Variants in THSD7A observed in about 807,000 individuals in gnomAD.
THSD7A encodes the protein thrombospondin type 1 domain containing 7A, also known as thrombospondin type-1 domain-containing protein 7A.
In THSD7A, 96 loss-of-function variants were observed where a neutral mutation model predicts 231.3. The ratio of observed to expected loss-of-function variants is 0.41; its 90% CI spans 0.35 to 0.49. The LOEUF (loss-of-function observed/expected upper bound fraction) is 0.49, where lower values mean the gene tolerates loss of function less well. Ranked by LOEUF, THSD7A falls within the 20% of genes least tolerant of loss-of-function variation. THSD7A has a pLI of 0.05. For missense variants in THSD7A, 2,290 were observed against 2,070.2 expected (o/e 1.11, Z -2.06); for synonymous variants, 940 against 743.3 (o/e 1.26, Z -4.30).
At position 11,680,359 on chromosome 7, in the gene THSD7A, A is replaced by G. The variant is rs548179065; in HGVS notation, c.191-43398T>C. 1.9e-3 allele frequency among the ~76,000 whole-genome samples: 282 copies of G among 152,334 alleles called. 1 individual carries two copies. Among genetic ancestry groups the G allele is most frequent in the African/African-American group, 6.5e-3 (272 of 41,582 alleles). ...AGCCAAAATTGACAAATGGGATCTA[A>G]TTAAACTAAAGAGCTTCTGCACAGA... is the stretch of plus-strand genomic sequence containing the variant. On this transcript the variant is annotated intron_variant, in intron 1 of 27. Transcript: ENST00000423059.
intron 1 of THSD7A, among the ~76,000 whole-genome samples, chr7:11,734,047 C>G (rs1478641756): frequency 2.0e-5 from 3 of 151,838 alleles, no homozygotes; most frequent in African/African-American, 7.3e-5. Context: ...TAGGATCTCT[C>G]CCTTGGAGAC....
At chr7:11,651,479 T>TCAA (rs1351242861) in intron 1 of THSD7A, among the ~76,000 whole-genome samples, 34 of 134,750 alleles carry the variant, frequency 2.5e-4, no homozygotes, top group South Asian at 2.3e-4. Flanking sequence ...TATCTATCTA[T>TCAA]CTATCAACTA....
intron 1 of THSD7A, among the ~76,000 whole-genome samples, chr7:11,638,033 G>A (rs951899703): frequency 1.3e-5 from 2 of 152,160 alleles, no homozygotes; most frequent in Non-Finnish European, 2.9e-5. Context: ...GTGTGGGAAG[G>A]TGAGGGCCAA....
chr7:11,480,738 G>A (rs1455755489), intron 7 of THSD7A, among the ~76,000 whole-genome samples: 1 of 152,114 alleles, frequency 6.6e-6, no homozygotes, highest in Non-Finnish European at 1.5e-5. Context: ...GGTGTGCACA[G>A]TTGTTACACA....
chr7:11,812,409 G>A (rs1784557180), intron 1 of THSD7A, among the ~76,000 whole-genome samples: 1 of 152,082 alleles, frequency 6.6e-6, no homozygotes, highest in African/African-American at 2.4e-5. Flanking sequence ...ATTGCATCAT[G>A]AAACAATATG....
intron 23 of THSD7A, among the ~76,000 whole-genome samples, chr7:11,387,019 G>T (rs755778173): frequency 2.0e-5 from 3 of 152,188 alleles, no homozygotes; most frequent in Non-Finnish European, 4.4e-5. Context: ...TCAGATGGTT[G>T]TAGATGTGTG....
chr7:11,423,105 C>T (rs1300439893), intron 16 of THSD7A, among the ~76,000 whole-genome samples: 1 of 152,060 alleles, frequency 6.6e-6, no homozygotes, highest in Non-Finnish European at 1.5e-5. Flanking sequence ...CTACCTCTTC[C>T]CCATTCCCAG....
chr7:11,542,748 G>T (rs1789206482), intron 5 of THSD7A, among the ~76,000 whole-genome samples: 1 of 152,142 alleles, frequency 6.6e-6, no homozygotes, highest in Non-Finnish European at 1.5e-5. Context: ...TCTCCATCAT[G>T]TTGTCTAAAT....
rs1782411921 is a variant in THSD7A, at chr7:11,379,269, G to A, written c.4602C>T (p.Cys1534=). Residue 1534 remains cysteine (C), a synonymous_variant, in exon 26 of 28, where the codon TGC becomes TGT. Transcript: ENST00000423059. ...CTTCAGTGTACCCTTCTTCACAATG[G>A]CATGTTTTTGTCTGCAGGAGAACAA... ...PHSYCSETKT[C]HCEEGYTEVM... 5.0e-6 allele frequency: 8 copies of A among 1,613,364 alleles called. No homozygotes were observed. Among genetic ancestry groups the A allele is most frequent in the Non-Finnish European group, 6.8e-6 (8 of 1,179,556 alleles).
At chr7:11,802,265 A>G (rs1003453427) in intron 1 of THSD7A, among the ~76,000 whole-genome samples, 2 of 152,210 alleles carry the variant, frequency 1.3e-5, no homozygotes, top group Non-Finnish European at 2.9e-5. Flanking sequence ...TGTGAATTTC[A>G]TATACATGCA....
intron 2 of THSD7A, among the ~76,000 whole-genome samples, chr7:11,611,818 A>G (rs1043684840): frequency 5.5e-5 from 7 of 127,308 alleles, no homozygotes; most frequent in African/African-American, 1.9e-4. Flanking sequence ...ACACACACAC[A>G]CACACACACA....
intron 2 of THSD7A, among the ~76,000 whole-genome samples, chr7:11,617,909 C>T (rs1781163157): frequency 1.3e-5 from 2 of 152,068 alleles, no homozygotes; most frequent in Admixed American, 1.3e-4. Flanking sequence ...ATGGGTGCAG[C>T]ACACCAACAT....
chr7:11,712,478 CT>C (rs1375610964), intron 1 of THSD7A, among the ~76,000 whole-genome samples: 1 of 151,008 alleles, frequency 6.6e-6, no homozygotes, highest in Non-Finnish European at 1.5e-5. Context: ...ACATTTACCT[CT>C]GGAAAAGGTC....
At chr7:11,757,654 G>A (rs573114997) in intron 1 of THSD7A, among the ~76,000 whole-genome samples, 3 of 151,786 alleles carry the variant, frequency 2.0e-5, no homozygotes, top group East Asian at 1.9e-4. Flanking sequence ...GATATTAGAG[G>A]TATTTAAGAA....
chr7:11,640,391 A>G (rs570402142), intron 1 of THSD7A, among the ~76,000 whole-genome samples: 2 of 152,320 alleles, frequency 1.3e-5, no homozygotes, highest in Admixed American at 6.5e-5. Context: ...CCATTGCAGT[A>G]TATCATTGAT....
rs1350093580 is a variant in THSD7A at position 11,831,635 on chromosome 7, T to TA, written c.190+121dup. On this transcript the variant is annotated intron_variant, in intron 1 of 27. Transcript: ENST00000423059. This position sits in a 1 kb window ranked among gnomAD's most constrained non-coding sequence, Gnocchi z 5.0. ...TTGCTTCCTAAGAAATCATACTTTT[T>TA]ACCTTAGGATACCAGCATAACCAAG... is the stretch of plus-strand genomic sequence containing the variant. 3.4e-6 allele frequency: 2 copies of TA among 587,702 alleles called. No individual in the cohort carries two copies. The highest frequency in any genetic ancestry group is 5.6e-4 in the Middle Eastern group (1 of 1,786). 36.4% of individuals were successfully genotyped at this position (587,702 alleles called of 1,614,324 possible).
intron 16 of THSD7A, among the ~76,000 whole-genome samples, chr7:11,418,760 G>T (rs757944712): frequency 6.6e-6 from 1 of 151,934 alleles, no homozygotes; most frequent in African/African-American, 2.4e-5. Context: ...AAACTGTGTT[G>T]TTGGTCATGT....
chr7:11,396,244 A>T (rs759971493), intron 23 of THSD7A, among the ~76,000 whole-genome samples: 9 of 152,212 alleles, frequency 5.9e-5, no homozygotes, highest in Non-Finnish European at 1.0e-4. Context: ...GAACTAGAGA[A>T]GCAAGAGTAA....
intron 1 of THSD7A, among the ~76,000 whole-genome samples, chr7:11,725,921 G>A (rs1781530414): frequency 6.6e-6 from 1 of 151,900 alleles, no homozygotes; most frequent in South Asian, 2.1e-4. Context: ...TTTACAGTAT[G>A]CCTCTATTAC....
Sources: gnomAD v4.1 joint callset for allele counts (sites outside exome capture counted in the v4.1 genomes callset) on GRCh38, gnomAD v4.1.1 for gene constraint, Gnocchi (gnomAD v3.1) non-coding constraint, MANE v1.5 for transcripts, NCBI Gene and HGNC (gene_info 2026-07-23, HGNC 2026-07-21) for gene names.